Variants in DRC8 observed in about 807,000 individuals in gnomAD.
DRC8 encodes dynein regulatory complex protein 8.
At chr1:245,054,708 G>A in the DRC8 span, among the ~76,000 whole-genome samples, 1 of 152,058 alleles carries the variant, frequency 6.6e-6, no homozygotes, top group African/African-American at 2.4e-5. Flanking sequence ...CTACGTAGAG[G>A]AGCTCTTCTG....
At chr1:245,049,061 C>T in the DRC8 span, among the ~76,000 whole-genome samples, 4 of 151,836 alleles carry the variant, frequency 2.6e-5, no homozygotes, top group African/African-American at 7.3e-5. This position sits in a 1 kb window ranked among gnomAD's most constrained non-coding sequence, Gnocchi z 4.5. Flanking sequence ...TCTCGACTCA[C>T]GCAACCTCCA....
At chr1:244,985,632 G>C in the DRC8 span, among the ~76,000 whole-genome samples, 1 of 152,280 alleles carries the variant, frequency 6.6e-6, no homozygotes, top group African/African-American at 2.4e-5. Context: ...GGGAGGCCAA[G>C]GTGGGCAGAT....
the DRC8 span, chr1:245,059,243 C>A: frequency 1.6e-6 from 1 of 628,466 alleles, no homozygotes; most frequent in Non-Finnish European, 2.8e-6. Context: ...TTTCTTTCCC[C>A]AGAAAACATC....
At chr1:245,097,518 A>C in the DRC8 span, among the ~76,000 whole-genome samples, 2 of 146,754 alleles carry the variant, frequency 1.4e-5, no homozygotes, top group African/African-American at 5.4e-5. This position sits in a 1 kb window ranked among gnomAD's most constrained non-coding sequence, Gnocchi z 5.0. Flanking sequence ...ATTCCCTCTC[A>C]AAAAAAAAAA....
At chr1:245,010,647 A>T in the DRC8 span, among the ~76,000 whole-genome samples, 1 of 148,336 alleles carries the variant, frequency 6.7e-6, no homozygotes, top group East Asian at 2.0e-4. Flanking sequence ...CCTTTAATCC[A>T]TCCACTTTAC....
chr1:245,061,145 G>A, the DRC8 span, among the ~76,000 whole-genome samples: 1 of 152,232 alleles, frequency 6.6e-6, no homozygotes, highest in Admixed American at 6.5e-5. Context: ...TTATAGCCAT[G>A]TGGCCTTCAA....
the DRC8 span, among the ~76,000 whole-genome samples, chr1:244,987,022 G>A: frequency 1.3e-5 from 2 of 152,266 alleles, no homozygotes; most frequent in Non-Finnish European, 2.9e-5. Context: ...TTGTGCCTCC[G>A]TAGGGCTGTC....
At chr1:245,010,017 C>T in the DRC8 span, among the ~76,000 whole-genome samples, 20 of 152,152 alleles carry the variant, frequency 1.3e-4, no homozygotes, top group African/African-American at 4.3e-4. Flanking sequence ...TGCGCCACCA[C>T]GTCCAGCTAA....
At chr1:245,119,892 A>ACC in the DRC8 span, among the ~76,000 whole-genome samples, 5 of 151,072 alleles carry the variant, frequency 3.3e-5, no homozygotes, top group Admixed American at 3.3e-4. Context: ...TAGATCATGC[A>ACC]ACTGCACTCC....
chr1:245,065,083 T>C, the DRC8 span, among the ~76,000 whole-genome samples: 1 of 111,032 alleles, frequency 9.0e-6, no homozygotes, highest in Admixed American at 8.1e-5. Flanking sequence ...CTTTTTTTTT[T>C]TTTTTTTTTT....
the DRC8 span, among the ~76,000 whole-genome samples, chr1:245,001,306 G>A: frequency 6.6e-6 from 1 of 152,154 alleles, no homozygotes; most frequent in South Asian, 2.1e-4. Context: ...GATTTGTTTT[G>A]GGGTCTTTCT....
At chr1:244,979,783 G>T in the DRC8 span, among the ~76,000 whole-genome samples, 3 of 151,952 alleles carry the variant, frequency 2.0e-5, no homozygotes, top group African/African-American at 4.8e-5. Flanking sequence ...AGAACAAGTA[G>T]GGGATGGATA....
chr1:245,055,365 G>A, the DRC8 span, among the ~76,000 whole-genome samples: 1 of 152,084 alleles, frequency 6.6e-6, no homozygotes, highest in Non-Finnish European at 1.5e-5. Context: ...TGTCACCCAG[G>A]CTGGAGTACA....
the DRC8 span, chr1:244,970,082 A>C: frequency 1.5e-6 from 1 of 656,566 alleles, no homozygotes; most frequent in Non-Finnish European, 2.7e-6. Context: ...TGGATGAGAA[A>C]TAAGGGAAAG....
the DRC8 span, among the ~76,000 whole-genome samples, chr1:244,974,201 G>T: frequency 6.6e-6 from 1 of 152,088 alleles, no homozygotes; most frequent in African/African-American, 2.4e-5. Context: ...CAATGCAATT[G>T]TTGATTCTTT....
chr1:244,995,181 C>T, the DRC8 span, among the ~76,000 whole-genome samples: 5 of 151,884 alleles, frequency 3.3e-5, no homozygotes, highest in South Asian at 2.1e-4. Context: ...GCCAACATGG[C>T]GAAACCCCGT....
chr1:245,037,635 G>C, the DRC8 span, among the ~76,000 whole-genome samples: 1 of 152,012 alleles, frequency 6.6e-6, no homozygotes, highest in Non-Finnish European at 1.5e-5. Flanking sequence ...TAATTATATA[G>C]GTGATAACAG....
the DRC8 span, among the ~76,000 whole-genome samples, chr1:245,059,190 G>A: frequency 6.6e-6 from 1 of 152,160 alleles, no homozygotes; most frequent in Non-Finnish European, 1.5e-5. Context: ...GCCAGTCAAT[G>A]AAACCATTTC....
the DRC8 span, among the ~76,000 whole-genome samples, chr1:245,116,114 C>G: frequency 2.6e-4 from 39 of 152,010 alleles, no homozygotes; most frequent in Non-Finnish European, 5.3e-4. Context: ...TCTCGAACTC[C>G]TGGCCTCAAG....
Sources: allele counts gnomAD v4.1 joint callset (sites outside exome capture counted in the v4.1 genomes callset), GRCh38; gene constraint gnomAD v4.1.1; non-coding constraint Gnocchi (gnomAD v3.1); transcripts MANE v1.5; gene names NCBI Gene and HGNC (gene_info 2026-07-23, HGNC 2026-07-21).